Variants in CNTN1 observed in about 807,000 individuals in gnomAD.
CNTN1 encodes the protein contactin-1.
A neutral mutation model predicts 126.4 loss-of-function variants in CNTN1; 38 were observed. The ratio of observed to expected loss-of-function variants is 0.30; its 90% CI spans 0.23 to 0.39. The LOEUF is 0.39. Among genes scored for constraint, CNTN1 ranks in the 10% least tolerant of loss-of-function variants. CNTN1 has a pLI of 1.00. For synonymous variants in CNTN1, 413 were observed against 422.6 expected (o/e 0.98, Z 0.28); for missense variants, 1,009 against 1,248.4 (o/e 0.81, Z 2.89).
chr12:40,778,527 A>T (rs1340670902), intron 1 of CNTN1, among the ~76,000 whole-genome samples: 1 of 151,850 alleles, frequency 6.6e-6, no homozygotes, highest in Non-Finnish European at 1.5e-5. Context: ...ATTTTGCTCA[A>T]TTCTACAAAT....
At chr12:40,841,993 T>C (rs1290422632) in intron 1 of CNTN1, among the ~76,000 whole-genome samples, 1 of 108,690 alleles carries the variant, frequency 9.2e-6, no homozygotes. Context: ...TTTATACAAA[T>C]TTTTTTTAAA....
chr12:41,021,661 A>ATAATTT (rs1948915095), intron 20 of CNTN1, among the ~76,000 whole-genome samples: 1 of 147,764 alleles, frequency 6.8e-6, no homozygotes, highest in South Asian at 2.1e-4. Flanking sequence ...TTGACACAAT[A>ATAATTT]GGTTATAATT....
At chr12:40,840,659 A>T (rs140560211) in intron 1 of CNTN1, among the ~76,000 whole-genome samples, 1 of 152,016 alleles carries the variant, frequency 6.6e-6, no homozygotes, top group African/African-American at 2.4e-5. Flanking sequence ...TCAGACCACA[A>T]TGGAATAAAA....
intron 1 of CNTN1, among the ~76,000 whole-genome samples, chr12:40,707,770 T>TA (rs1452891697): frequency 6.6e-6 from 1 of 152,170 alleles, no homozygotes; most frequent in Non-Finnish European, 1.5e-5. Flanking sequence ...ATATGAGGAA[T>TA]AAAAAATACT....
chr12:41,013,635 T>G (rs987481387), intron 17 of CNTN1, among the ~76,000 whole-genome samples: 1 of 152,160 alleles, frequency 6.6e-6, no homozygotes, highest in African/African-American at 2.4e-5. Context: ...ACAGAAAGAT[T>G]TTTAAGATCA....
At chr12:40,727,848 G>A (rs1181023278) in intron 1 of CNTN1, among the ~76,000 whole-genome samples, 2 of 152,220 alleles carry the variant, frequency 1.3e-5, no homozygotes, top group Non-Finnish European at 1.5e-5. Flanking sequence ...AAATCTGTAA[G>A]TAAGGGAAAT....
At position 40,875,935 on chromosome 12, in the gene CNTN1, A is replaced by T. The variant is rs561497150; in HGVS notation, c.-76-32422A>T. Among the ~76,000 whole-genome samples the T allele has an allele frequency of 4.7e-4, 72 of 152,082 alleles. 1 individual carries two copies. Among genetic ancestry groups the T allele is most frequent in the Admixed American group, 9.8e-4 (15 of 15,246 alleles). ...CTGACTTATTCTTGTCTTTTAAGTA[A>T]ATTGTGTTAACTGGCCAACACCTCT... On this transcript the variant is annotated intron_variant, in intron 1 of 23. Transcript: ENST00000551295.
intron 15 of CNTN1, among the ~76,000 whole-genome samples, chr12:40,980,307 G>A (rs1398714892): frequency 6.6e-6 from 1 of 152,032 alleles, no homozygotes. Context: ...TTAGTTGGGT[G>A]TTGTGGAGTG....
intron 1 of CNTN1, among the ~76,000 whole-genome samples, chr12:40,830,150 C>T (rs1941758566): frequency 6.6e-6 from 1 of 152,108 alleles, no homozygotes; most frequent in South Asian, 2.1e-4. Flanking sequence ...ATTAGCCAAT[C>T]TCATTTAAAA....
chr12:40,879,741 A>G (rs1172085496), intron 1 of CNTN1, among the ~76,000 whole-genome samples: 1 of 152,138 alleles, frequency 6.6e-6, no homozygotes, highest in East Asian at 1.9e-4. Flanking sequence ...CTGTGAGAAG[A>G]CAGGTTATGA....
chr12:40,976,720 A>G (rs1242052970), intron 15 of CNTN1, among the ~76,000 whole-genome samples: 1 of 152,138 alleles, frequency 6.6e-6, no homozygotes, highest in Admixed American at 6.6e-5. Context: ...TCTAAACAAA[A>G]AAAATAAGCA....
At chr12:40,763,467 C>T (rs1160608578) in intron 1 of CNTN1, among the ~76,000 whole-genome samples, 1 of 151,898 alleles carries the variant, frequency 6.6e-6, no homozygotes, top group Non-Finnish European at 1.5e-5. Flanking sequence ...GTGCAGCTGA[C>T]AATATTCTAG....
chr12:40,991,841 A>AAACC (rs1948104120), intron 16 of CNTN1, among the ~76,000 whole-genome samples: 1 of 152,154 alleles, frequency 6.6e-6, no homozygotes, highest in Non-Finnish European at 1.5e-5. Flanking sequence ...ACAAACAAAC[A>AAACC]AACAAACAAA....
At chr12:40,835,584 C>G (rs762486359) in intron 1 of CNTN1, among the ~76,000 whole-genome samples, 1 of 152,142 alleles carries the variant, frequency 6.6e-6, no homozygotes, top group East Asian at 1.9e-4. Context: ...ATGCCTGAAA[C>G]TGTGTTGTTT....
At chr12:40,925,129 A>T (rs972247155) in intron 6 of CNTN1, among the ~76,000 whole-genome samples, 2 of 151,716 alleles carry the variant, frequency 1.3e-5, no homozygotes, top group African/African-American at 4.8e-5. Context: ...ATAATCATCT[A>T]CTTTATAAAT....
At chr12:40,957,824 T>G (rs1244663009) in intron 14 of CNTN1, among the ~76,000 whole-genome samples, 2 of 151,992 alleles carry the variant, frequency 1.3e-5, no homozygotes, top group African/African-American at 4.8e-5. Context: ...ATTAATATTC[T>G]GTTCCAACTA....
chr12:40,843,592 C>T (rs1287703765), intron 1 of CNTN1, among the ~76,000 whole-genome samples: 1 of 152,136 alleles, frequency 6.6e-6, no homozygotes, highest in Non-Finnish European at 1.5e-5. Flanking sequence ...TCTCGGCTCA[C>T]ATATGAATGG....
At chr12:40,761,318 G>A (rs1443022647) in intron 1 of CNTN1, among the ~76,000 whole-genome samples, 1 of 152,068 alleles carries the variant, frequency 6.6e-6, no homozygotes, top group Non-Finnish European at 1.5e-5. Context: ...TCATAAAATA[G>A]TAGTGGGTAT....
chr12:40,943,478 TG>T, intron 12 of CNTN1, 118 bp from the exon 13 acceptor site: 2 of 729,438 alleles, frequency 2.7e-6, no homozygotes, highest in Non-Finnish European at 4.5e-6. Flanking sequence ...AAAATGTCTG[TG>T]GTCGCATGAT....
Sources: gnomAD v4.1 joint callset for allele counts (sites outside exome capture counted in the v4.1 genomes callset) on GRCh38, gnomAD v4.1.1 for gene constraint, MANE v1.5 for transcripts, NCBI Gene and HGNC (gene_info 2026-07-23, HGNC 2026-07-21) for gene names.